ACIN1: variants seen among roughly 807,000 people sequenced by gnomAD.
ACIN1 encodes the protein apoptotic chromatin condensation inducer 1.
ACIN1 carries 16 observed loss-of-function variants against 146.6 expected under a neutral mutation model. That is an observed-to-expected ratio of 0.11 (90% CI 0.07 to 0.17). The LOEUF (loss-of-function observed/expected upper bound fraction) is 0.17, where lower values mean the gene tolerates loss of function less well. Ranked by LOEUF, ACIN1 falls within the 10% of genes least tolerant of loss-of-function variation. The pLI is 1.00. For missense variants in ACIN1, 1,357 were observed against 1,609.3 expected (o/e 0.84, Z 2.68); for synonymous variants, 569 against 582.7 (o/e 0.98, Z 0.34).
chr14:23,071,578 G>A (rs777249342), intron 8 of ACIN1: 10 of 1,544,672 alleles, frequency 6.5e-6, no homozygotes, highest in Admixed American at 2.0e-5. Context: ...CCAGCAGCCT[G>A]TGTGTGCGGA....
intron 8 of ACIN1, among the ~76,000 whole-genome samples, chr14:23,075,792 C>T (rs2047786812): frequency 6.6e-6 from 1 of 151,948 alleles, no homozygotes; most frequent in Non-Finnish European, 1.5e-5. Flanking sequence ...GCACCTTCCG[C>T]CTCCCGGGTT....
chr14:23,071,149 AT>A (rs781124581), intron 8 of ACIN1: 17 of 1,551,228 alleles, frequency 1.1e-5, no homozygotes, highest in African/African-American at 9.6e-5. Context: ...TGATAACATG[AT>A]TTTTTTTCTC....
intron 5 of ACIN1, 113 bp downstream of exon 5, chr14:23,081,635 A>G: frequency 1.0e-6 from 1 of 953,734 alleles, no homozygotes; most frequent in African/African-American, 1.7e-5. Flanking sequence ...GTCCCAAAAA[A>G]GAAAAACAAA....
In ACIN1 at chr14:23,067,510, G is replaced by A; in HGVS notation, c.2266-1502C>T. Reference sequence around the variant, plus strand: ...CCCAGGGGCGCAGGGGGGGCGGGAGGGAAACGTGTGGGGGGACGCTGCCCA... The same window carrying A: ...CCCAGGGGCGCAGGGGGGGCGGGAGAGAAACGTGTGGGGGGACGCTGCCCA... On this transcript the variant is annotated intron_variant, in intron 9 of 18. Transcript: ENST00000605057. The surrounding 1 kb of genome is among the most constrained non-coding windows in gnomAD (Gnocchi z 4.6). 1 of 695,614 alleles carries A rather than the reference G, an allele frequency of 1.4e-6. No individual in the cohort carries two copies. The highest frequency in any genetic ancestry group is 2.0e-5 in the African/African-American group (1 of 50,668). The allele number at this position is 695,614 out of a possible 1,614,324, so 43.1% of individuals were successfully genotyped here.
rs571173063 is a variant in ACIN1 at position 23,071,031 on chromosome 14, C to T, written c.2124-1414G>A. The T allele has an allele frequency of 2.5e-4, 344 of 1,402,888 alleles. 1 individual carries two copies. The highest frequency in any genetic ancestry group is 1.8e-3 in the South Asian group (143 of 78,922). 86.9% of individuals were successfully genotyped at this position (1,402,888 alleles called of 1,614,324 possible). On this transcript the variant is annotated intron_variant, in intron 8 of 18. Transcript: ENST00000605057. ...CAGAATGACTGAAAACAAACCAAAA[C>T]GAAAGACGGAATGAAAGCCATGAGG...
intron 1 of ACIN1, chr14:23,094,426 G>A: frequency 5.1e-6 from 5 of 976,154 alleles, no homozygotes; most frequent in Non-Finnish European, 6.1e-6. Flanking sequence ...ATTGCCACTA[G>A]ATGCCACTAA....
chr14:23,071,375 C>G (rs1327464016), intron 8 of ACIN1: 1 of 1,539,274 alleles, frequency 6.5e-7, no homozygotes, highest in Non-Finnish European at 8.8e-7. Flanking sequence ...GGTGGTGGTG[C>G]GGGGAGGCTA....
At chr14:23,072,103 C>G (rs2047675297) in intron 8 of ACIN1, among the ~76,000 whole-genome samples, 1 of 152,168 alleles carries the variant, frequency 6.6e-6, no homozygotes, top group African/African-American at 2.4e-5. Flanking sequence ...TATCCAATCA[C>G]TACAGTAACT....
intron 1 of ACIN1, 68 bp from the exon 2 acceptor site, chr14:23,093,612 C>T: frequency 7.7e-7 from 1 of 1,303,448 alleles, no homozygotes; most frequent in East Asian, 2.3e-5. Flanking sequence ...CCCACCTCTA[C>T]CACAACCTCT....
Position 23,080,587 on chromosome 14 carries a change from C to T in ACIN1, c.748G>A (p.Gly250Arg), listed in dbSNP as rs200352621. 107 of 1,614,100 alleles carry T rather than the reference C, an allele frequency of 6.6e-5. No homozygotes were observed. The African/African-American group carries it at 1.4e-3, about 21-fold the overall frequency. The change falls in exon 6 of 19, where the codon GGG becomes AGG. Residue 250 changes from glycine (G) to arginine (R), a missense_variant. Physicochemically the swap from Gly to Arg is moderately radical, Grantham distance 125. Coordinates refer to ENST00000605057, the MANE Select transcript of ACIN1 (RefSeq NM_001386863.1). Reference sequence around the variant, plus strand: ...GGTTTTACTCTAGGTATCTCTTCCCCTTCTTCCTTAAACTCTTTCAGGATT... The same window carrying T: ...GGTTTTACTCTAGGTATCTCTTCCCTTTCTTCCTTAAACTCTTTCAGGATT... ...APILKEFKEE[G>R]EEIPRVKPEE...
chr14:23,061,761 C>G, intron 16 of ACIN1, 139 bp from the exon 17 acceptor site: 2 of 720,180 alleles, frequency 2.8e-6, no homozygotes, highest in Non-Finnish European at 4.4e-6. Context: ...ATCACGAGGT[C>G]AGGAGACCGA....
intron 4 of ACIN1, among the ~76,000 whole-genome samples, chr14:23,085,863 T>C (rs964626798): frequency 6.6e-6 from 1 of 152,172 alleles, no homozygotes; most frequent in African/African-American, 2.4e-5. Flanking sequence ...AATAAATACA[T>C]TTCAGGATTC....
At position 23,068,871 on chromosome 14, in the gene ACIN1, G is replaced by C. The variant is rs2047538091; in HGVS notation, c.2265+605C>G. The C allele has an allele frequency of 2.2e-5, 22 of 985,400 alleles. No homozygotes were observed. The highest frequency in any genetic ancestry group is 2.7e-5 in the Non-Finnish European group (22 of 829,934). 61.0% of individuals were successfully genotyped at this position (985,400 alleles called of 1,614,324 possible). A position where few individuals can be genotyped will look rare whatever the true frequency, so the allele number is the denominator to read the frequency against. The stretch of plus-strand genomic sequence containing the variant: ...TTTAAGAGCCAAGAAGACTTCGCTG[G>C]CTCTGATGGGGGAAGCCCCCTGAAG... On this transcript the variant is annotated intron_variant, in intron 9 of 18. Coordinates refer to ENST00000605057, the MANE Select transcript of ACIN1 (RefSeq NM_001386863.1). This position sits in a 1 kb window ranked among gnomAD's most constrained non-coding sequence, Gnocchi z 4.3.
chr14:23,078,130 C>G, intron 8 of ACIN1, 21 bp downstream of exon 8: 1 of 1,610,030 alleles, frequency 6.2e-7, no homozygotes, highest in Middle Eastern at 1.6e-4. Flanking sequence ...TGTTATACCC[C>G]GGTCGAGATA....
chr14:23,071,551 G>A (rs1429156328), intron 8 of ACIN1: 7 of 1,549,964 alleles, frequency 4.5e-6, no homozygotes, highest in Admixed American at 3.9e-5. Flanking sequence ...ATGCAGGGGA[G>A]CCATCTTGCC....
At chr14:23,069,087 CTAGATG>C (rs1282193276) in intron 9 of ACIN1, 1 of 992,548 alleles carries the variant, frequency 1.0e-6, no homozygotes, top group East Asian at 1.1e-4. Context: ...CCAATGTCCA[CTAGATG>C]GCGTTGGGCT....
intron 2 of ACIN1, among the ~76,000 whole-genome samples, chr14:23,092,324 T>C (rs1168703246): frequency 2.0e-5 from 3 of 152,228 alleles, no homozygotes; most frequent in South Asian, 4.1e-4. Context: ...ATGGACATTG[T>C]TGAAGGGTGG....
chr14:23,076,222 C>T (rs1034425407), intron 8 of ACIN1, among the ~76,000 whole-genome samples: 3 of 152,166 alleles, frequency 2.0e-5, no homozygotes, highest in African/African-American at 7.2e-5. Flanking sequence ...TCTGGGCATG[C>T]TGTTTTGTTA....
At chr14:23,073,692 CACAA>C (rs911277361) in intron 8 of ACIN1, among the ~76,000 whole-genome samples, 16 of 152,128 alleles carry the variant, frequency 1.1e-4, no homozygotes, top group African/African-American at 3.4e-4. Flanking sequence ...ATAGAATCCC[CACAA>C]ACAATGTTAC....
Sources: gnomAD v4.1 joint callset for allele counts (sites outside exome capture counted in the v4.1 genomes callset) on GRCh38, gnomAD v4.1.1 for gene constraint, Gnocchi (gnomAD v3.1) non-coding constraint, MANE v1.5 for transcripts, NCBI Gene and HGNC (gene_info 2026-07-23, HGNC 2026-07-21) for gene names.